Variants in UTRN observed in about 807,000 individuals in gnomAD.
UTRN encodes the protein utrophin, also known as dystrophin-related protein 1.
UTRN carries 283 observed loss-of-function variants against 463.9 expected under a neutral mutation model. The observed-to-expected ratio is 0.61, with a 90% CI of 0.55 to 0.67. UTRN has a LOEUF of 0.67. Ranked by LOEUF, UTRN falls within the 30% of genes least tolerant of loss-of-function variation. UTRN has a pLI of 0.00. For synonymous variants in UTRN, 1,442 were observed against 1,431.5 expected (o/e 1.01, Z -0.17); for missense variants, 3,922 against 4,084.3 (o/e 0.96, Z 1.08).
chr6:144,370,425 A>G (rs182740025), intron 2 of UTRN, among the ~76,000 whole-genome samples: 169 of 152,330 alleles, frequency 1.1e-3, no homozygotes, highest in African/African-American at 3.8e-3. Flanking sequence ...GGTGCACAGA[A>G]GTCAAGAATT....
intron 34 of UTRN, among the ~76,000 whole-genome samples, chr6:144,509,672 A>G (rs1795012911): frequency 6.6e-6 from 1 of 152,122 alleles, no homozygotes; most frequent in South Asian, 2.1e-4. Flanking sequence ...CCACATTTTA[A>G]TGTATTTGCA....
rs774122458 is a variant in UTRN at position 144,548,684 on chromosome 6, GA to G, written c.6641del (p.Asp2214ValfsTer22). On this transcript the variant is annotated frameshift_variant, in exon 47 of 75. Coordinates refer to ENST00000367545, the MANE Select transcript of UTRN (RefSeq NM_007124.3). LOFTEE classifies it high-confidence loss of function. ...GGTGGTGCTAGTATCATCTGCGTCA[GA>G]TATTCCTGTTCAGTCTCATCGTACT... The part of the protein sequence containing the change: ...QKVVLVSSAS[D>X]IPVQSHRTSE... 54 of 1,613,878 alleles carry G rather than the reference GA, an allele frequency of 3.3e-5. No individual in the cohort carries two copies. Among genetic ancestry groups the G allele is most frequent in the Non-Finnish European group, 4.3e-5 (51 of 1,179,974 alleles).
rs75543449 is a variant in UTRN, at chr6:144,588,867, T to A, written c.7479+11579T>A. The stretch of plus-strand genomic sequence containing the variant: ...AGAGATAAAAGAATGTAGAAAATGT[T>A]ATGCCTTGGTAGCTTTCTCAGTTTC... On this transcript the variant is annotated intron_variant, in intron 51 of 74. Transcript: ENST00000367545. 3.7e-3 allele frequency among the ~76,000 whole-genome samples: 568 copies of A among 152,338 alleles called. 1 individual carries two copies. The highest frequency in any genetic ancestry group is 0.013 in the African/African-American group (549 of 41,586).
At chr6:144,420,986 G>T (rs912500664) in intron 3 of UTRN, among the ~76,000 whole-genome samples, 3 of 152,144 alleles carry the variant, frequency 2.0e-5, no homozygotes, top group Non-Finnish European at 2.9e-5. Flanking sequence ...GTATATTTGT[G>T]TGAAATTATG....
chr6:144,836,199 A>G (rs985038595), intron 70 of UTRN, 102 bp from the exon 71 acceptor site: 3 of 1,543,608 alleles, frequency 1.9e-6, no homozygotes, highest in Non-Finnish European at 2.6e-6. Flanking sequence ...ACATTTTTAT[A>G]TAAGAGGAAC....
At chr6:144,849,116 T>A (rs187624105) in intron 74 of UTRN, among the ~76,000 whole-genome samples, 2 of 152,090 alleles carry the variant, frequency 1.3e-5, no homozygotes, top group Non-Finnish European at 2.9e-5. Context: ...AGAGAAGGGT[T>A]TGGGAACATG....
chr6:144,672,953 T>C (rs147292763), intron 51 of UTRN, among the ~76,000 whole-genome samples: 7 of 152,306 alleles, frequency 4.6e-5, no homozygotes, highest in East Asian at 1.9e-4. Context: ...GAGCAGATTA[T>C]TTAATTTCCA....
chr6:144,847,663 A>C (rs1266401426), intron 74 of UTRN, among the ~76,000 whole-genome samples: 2 of 152,136 alleles, frequency 1.3e-5, no homozygotes, highest in Non-Finnish European at 2.9e-5. Context: ...GTTAATTCAC[A>C]TTGTCAGGGT....
At chr6:144,586,612 A>G (rs1321120113) in intron 51 of UTRN, among the ~76,000 whole-genome samples, 1 of 152,122 alleles carries the variant, frequency 6.6e-6, no homozygotes, top group Non-Finnish European at 1.5e-5. Context: ...GGTGTTTTAT[A>G]TCATGAAGTC....
At chr6:144,663,450 A>G (rs539812697) in intron 51 of UTRN, among the ~76,000 whole-genome samples, 1 of 152,248 alleles carries the variant, frequency 6.6e-6, no homozygotes, top group African/African-American at 2.4e-5. Flanking sequence ...GAAGTATCTC[A>G]TGACTTTAGG....
intron 53 of UTRN, among the ~76,000 whole-genome samples, chr6:144,726,449 A>G (rs1787892396): frequency 6.6e-6 from 1 of 152,190 alleles, no homozygotes; most frequent in African/African-American, 2.4e-5. Context: ...GAAGCATTAC[A>G]GATCCCCCAA....
At chr6:144,774,414 T>C in intron 60 of UTRN, 50 bp downstream of exon 60, 2 of 1,526,226 alleles carry the variant, frequency 1.3e-6, no homozygotes, top group Non-Finnish European at 1.8e-6. Context: ...ATTGCGTTTT[T>C]TTTTTTTCCA....
chr6:144,714,859 C>T (rs1786208865), intron 53 of UTRN, among the ~76,000 whole-genome samples: 1 of 152,112 alleles, frequency 6.6e-6, no homozygotes, highest in Non-Finnish European at 1.5e-5. Flanking sequence ...TTCCTGCTGA[C>T]TTATTAACTG....
At chr6:144,747,978 A>C (rs1790948801) in intron 54 of UTRN, among the ~76,000 whole-genome samples, 2 of 152,202 alleles carry the variant, frequency 1.3e-5, no homozygotes, top group Non-Finnish European at 2.9e-5. Flanking sequence ...CAGTGGCTTT[A>C]GAAATATATT....
intron 51 of UTRN, among the ~76,000 whole-genome samples, chr6:144,633,266 G>C (rs1421501597): frequency 8.2e-6 from 1 of 121,912 alleles, no homozygotes; most frequent in Non-Finnish European, 1.6e-5. Flanking sequence ...GTCTTGCTCT[G>C]TCACCCAGGC....
Position 144,771,942 on chromosome 6 carries a change from A to G in UTRN, c.8531A>G (p.Lys2844Arg), listed in dbSNP as rs761976981. 6.3e-7 allele frequency: 1 copy of G among 1,597,056 alleles called. No individual in the cohort carries two copies. Among genetic ancestry groups the G allele is most frequent in the Non-Finnish European group, 8.5e-7 (1 of 1,174,520 alleles). The change falls in exon 59 of 75, where the codon AAA (lysine) becomes AGA (arginine). Residue 2844 changes from lysine to arginine, a missense_variant. Transcript: ENST00000367545. ...QTQTTCWDHP[K>R]MTELFQSLAD... ...CAGACCACCTGTTGGGACCATCCTA[A>G]AATGACCGAACTCTTTCAATCCCTT...
At chr6:144,586,766 T>C (rs755435730) in intron 51 of UTRN, among the ~76,000 whole-genome samples, 1 of 152,094 alleles carries the variant, frequency 6.6e-6, no homozygotes, top group African/African-American at 2.4e-5. Flanking sequence ...GTAAAGTAGA[T>C]TGGGATATGA....
intron 2 of UTRN, among the ~76,000 whole-genome samples, chr6:144,380,082 C>T (rs2114734401): frequency 6.6e-6 from 1 of 152,060 alleles, no homozygotes; most frequent in Admixed American, 6.5e-5. Context: ...TGTATATGTT[C>T]AAAATTTTAA....
chr6:144,451,492 A>C lies in UTRN; in HGVS notation c.2195A>C (p.Lys732Thr), dbSNP rs1277160962. ...QDTSEMKKKL[K>T]ALEKEQRERI... ...ACTTCCGAAATGAAAAAGAAGTTGA[A>C]GGTAAAAAACATAAACCACATATAT... is the stretch of plus-strand genomic sequence containing the variant. Residue 732 changes from lysine to threonine, a missense_variant and splice_region_variant, in exon 18 of 75, where the codon AAG (lysine) becomes ACG (threonine). Lys to Thr is a moderately conservative substitution (Grantham distance 78, BLOSUM62 -1). Transcript: ENST00000367545. 6.2e-7 allele frequency: 1 copy of C among 1,609,712 alleles called. No individual in the cohort carries two copies. The highest frequency in any genetic ancestry group is 8.5e-7 in the Non-Finnish European group (1 of 1,178,800).
Sources: allele counts gnomAD v4.1 joint callset (sites outside exome capture counted in the v4.1 genomes callset), GRCh38; gene constraint gnomAD v4.1.1; transcripts MANE v1.5; gene names NCBI Gene and HGNC (gene_info 2026-07-23, HGNC 2026-07-21).